Variants in RINT1 observed in about 807,000 individuals in gnomAD.
RINT1 encodes the protein RAD50-interacting protein 1.
RINT1 carries 75 observed loss-of-function variants against 97.7 expected under a neutral mutation model. The observed-to-expected ratio is 0.77, with a 90% CI of 0.64 to 0.93. The LOEUF is 0.93. Among genes scored for constraint, RINT1 ranks in the 40% least tolerant of loss-of-function variants. The pLI, the probability that RINT1 is intolerant of heterozygous loss-of-function variation, is 0.00. For missense variants in RINT1, 892 were observed against 925.2 expected, an observed-to-expected ratio of 0.96 and a Z score of 0.47; for synonymous variants, 303 against 326.3, an observed-to-expected ratio of 0.93 and a Z score of 0.77.
At chr7:105,545,841 G>T (rs1790645025) in intron 4 of RINT1, among the ~76,000 whole-genome samples, 1 of 145,602 alleles carries the variant, frequency 6.9e-6, no homozygotes, top group East Asian at 2.1e-4. Context: ...GTCTCACTCT[G>T]TTGCCAGGCT....
intron 14 of RINT1, among the ~76,000 whole-genome samples, 169 bp downstream of exon 14, chr7:105,565,817 T>C (rs1450962979): frequency 1.3e-5 from 2 of 152,228 alleles, no homozygotes; most frequent in Admixed American, 6.5e-5. Context: ...ACCAAGATGA[T>C]AGATGTGACC....
intron 3 of RINT1, among the ~76,000 whole-genome samples, chr7:105,540,382 C>T (rs990327095): frequency 2.0e-5 from 3 of 152,170 alleles, no homozygotes; most frequent in Non-Finnish European, 2.9e-5. Context: ...CTGCCTCAGC[C>T]TCTTGAGTAG....
chr7:105,555,016 C>CA lies in RINT1; in HGVS notation c.1472-12_1472-11insA, dbSNP rs1198022763. The CA allele has an allele frequency of 8.7e-6, 14 of 1,609,938 alleles. No homozygotes were observed. The highest frequency in any genetic ancestry group is 1.2e-5 in the Non-Finnish European group (14 of 1,177,822). ...CCAAAACCTTCATATGTCTTAATAA[C>CA]TTTTTCCACAGACAGGTATAAAAAT... On this transcript the variant is annotated splice_polypyrimidine_tract_variant and intron_variant, in intron 10 of 14. Transcript: ENST00000257700.
Position 105,532,228 on chromosome 7 carries a change from G to T in RINT1, c.-88G>T. 2 of 1,435,782 alleles carry T rather than the reference G, an allele frequency of 1.4e-6. No individual in the cohort carries two copies. The highest frequency in any genetic ancestry group is 1.9e-6 in the Non-Finnish European group (2 of 1,061,160). 88.9% of individuals were successfully genotyped at this position (1,435,782 alleles called of 1,614,324 possible). A position where few individuals can be genotyped will look rare whatever the true frequency, so the allele number is the denominator to read the frequency against. ...GGCACTCAGTCCTACGGCCTCCGAG[G>T]CTGGGTAGTGAGTGTGTCGCTGGCC... On this transcript the variant is annotated 5_prime_UTR_variant, in exon 1 of 15. Transcript: ENST00000257700.
Position 105,567,626 on chromosome 7 carries a change from G to T in RINT1, c.*315G>T. On this transcript the variant is annotated 3_prime_UTR_variant, in exon 15 of 15. Transcript: ENST00000257700. ...TTTCAATTTCCTGTGCTAATTAAGG[G>T]AAATTCTGTTGTGGATAATCAAACA... 1.8e-6 allele frequency: 1 copy of T among 551,822 alleles called. No homozygotes were observed. The highest frequency in any genetic ancestry group is 3.2e-6 in the Non-Finnish European group (1 of 314,000). 34.2% of individuals were successfully genotyped at this position (551,822 alleles called of 1,614,324 possible).
At chr7:105,550,538 A>T in intron 9 of RINT1, 52 bp downstream of exon 9, 1 of 1,326,838 alleles carries the variant, frequency 7.5e-7, no homozygotes, top group Non-Finnish European at 1.1e-6. Flanking sequence ...TTCTGTGGGT[A>T]TACATTTTTG....
intron 3 of RINT1, chr7:105,541,871 T>C (rs1790471847): frequency 6.6e-6 from 1 of 152,244 alleles, no homozygotes; most frequent in Non-Finnish European, 1.5e-5. Flanking sequence ...TTAAGTCCCT[T>C]TCTCTACATG....
At chr7:105,550,017 A>G (rs192530799) in intron 7 of RINT1, 38 bp from the exon 8 acceptor site, 6 of 1,280,318 alleles carry the variant, frequency 4.7e-6, no homozygotes, top group Admixed American at 1.9e-5. Flanking sequence ...TCTAATTGGA[A>G]TGACTTAAGA....
chr7:105,548,103 C>T (rs766717843), intron 6 of RINT1, among the ~76,000 whole-genome samples: 1 of 152,094 alleles, frequency 6.6e-6, no homozygotes, highest in East Asian at 1.9e-4. Flanking sequence ...TCATGGCTCA[C>T]TGCAGCCTTG....
At position 105,565,281 on chromosome 7, in the gene RINT1, T is replaced by G. The variant is rs763828038; in HGVS notation, c.1891T>G (p.Leu631Val). 3.2e-6 allele frequency: 5 copies of G among 1,584,368 alleles called. No individual in the cohort carries two copies. The highest frequency in any genetic ancestry group is 4.3e-6 in the Non-Finnish European group (5 of 1,163,480). The change falls in exon 13 of 15, where the codon TTG becomes GTG. Residue 631 changes from leucine (L) to valine (V), a missense_variant. Leu to Val is a conservative substitution (Grantham distance 32). Coordinates refer to ENST00000257700, the MANE Select transcript of RINT1 (RefSeq NM_021930.6). ...AAKLYKKERW[L>V]SLPSQSEQAV... ...GTAAAAATGTGTTTTTTCCAGATGG[T>G]TGTCCTTGCCATCTCAGTCAGAGCA... is the stretch of plus-strand genomic sequence containing the variant.
Position 105,535,861 on chromosome 7 carries a change from G to A in RINT1, c.89-704G>A, listed in dbSNP as rs139298355. On this transcript the variant is annotated intron_variant, in intron 2 of 14. Transcript: ENST00000257700. Reference sequence around the variant, plus strand: ...TCTTTTTAAAAACACTTTAAAACAAGAGTCTTCTTTTGGTGTTGCCCTAGA... The same window carrying A: ...TCTTTTTAAAAACACTTTAAAACAAAAGTCTTCTTTTGGTGTTGCCCTAGA... Among the ~76,000 whole-genome samples, 86 of 152,148 alleles carry A rather than the reference G, an allele frequency of 5.7e-4. 1 individual carries two copies. The highest frequency in any genetic ancestry group is 1.9e-3 in the African/African-American group (78 of 41,518).
intron 10 of RINT1, 98 bp downstream of exon 10, chr7:105,551,805 C>A: frequency 1.0e-6 from 1 of 977,726 alleles, no homozygotes; most frequent in Non-Finnish European, 1.5e-6. Flanking sequence ...GTGGCTCATG[C>A]CTGTAATCCT....
At chr7:105,537,102 A>G (rs1169130219) in intron 3 of RINT1, among the ~76,000 whole-genome samples, 1 of 150,384 alleles carries the variant, frequency 6.6e-6, no homozygotes, top group East Asian at 1.9e-4. Flanking sequence ...AATATATACC[A>G]TGGTGTAAAC....
intron 11 of RINT1, 39 bp from the exon 12 acceptor site, chr7:105,563,689 TAAAAA>T (rs141382811): frequency 1.4e-6 from 2 of 1,473,834 alleles, no homozygotes; most frequent in East Asian, 2.3e-5. Flanking sequence ...TTCAAACTGT[TAAAAA>T]AAAAGTATGC....
At chr7:105,532,381 G>C (rs778497280) in intron 1 of RINT1, 24 bp downstream of exon 1, 1 of 1,596,250 alleles carries the variant, frequency 6.3e-7, no homozygotes, top group Non-Finnish European at 8.5e-7. Context: ...GGCGTCCCTG[G>C]GAGGGGACAT....
intron 7 of RINT1, among the ~76,000 whole-genome samples, chr7:105,549,341 T>C (rs978854260): frequency 1.3e-5 from 2 of 151,898 alleles, no homozygotes; most frequent in Non-Finnish European, 2.9e-5. Flanking sequence ...GTTTTTGTAA[T>C]GCAGACTAGC....
intron 7 of RINT1, 82 bp downstream of exon 7, chr7:105,548,792 A>G (rs918452213): frequency 3.8e-6 from 5 of 1,321,866 alleles, no homozygotes; most frequent in South Asian, 2.8e-5. Context: ...TTAAGTTAAA[A>G]TCTGACTCTC....
chr7:105,545,804 G>A (rs961322970), intron 4 of RINT1, among the ~76,000 whole-genome samples: 4 of 137,478 alleles, frequency 2.9e-5, no homozygotes, highest in Non-Finnish European at 4.6e-5. Flanking sequence ...AGGCCACCAC[G>A]CCTGGCCTCT....
chr7:105,548,644 G>C lies in RINT1; in HGVS notation c.930G>C (p.Leu310=). The stretch of plus-strand genomic sequence containing the variant: ...TCATCCTGCCCATCCAGGTTATGCT[G>C]ACTCCTCTTCAGAAGAGGTTCAGGT... ...PSVILPIQVM[L]TPLQKRFRYH... Residue 310 remains leucine (L), a synonymous_variant, in exon 7 of 15, where the codon CTG becomes CTC. Transcript: ENST00000257700. 6.2e-7 allele frequency: 1 copy of C among 1,614,088 alleles called. No homozygotes were observed. Among genetic ancestry groups the C allele is most frequent in the Non-Finnish European group, 8.5e-7 (1 of 1,179,972 alleles).
Sources: gnomAD v4.1 joint callset for allele counts (sites outside exome capture counted in the v4.1 genomes callset) on GRCh38, gnomAD v4.1.1 for gene constraint, MANE v1.5 for transcripts, NCBI Gene and HGNC (gene_info 2026-07-23, HGNC 2026-07-21) for gene names.